The following TRIM2 variants were observed in gnomAD, a reference collection of about 807,000 sequenced individuals.
The protein encoded by TRIM2 is tripartite motif-containing protein 2.
A neutral mutation model predicts 75.2 loss-of-function variants in TRIM2; 20 were observed. That is an observed-to-expected ratio of 0.27 (90% CI 0.19 to 0.39). TRIM2 has a LOEUF of 0.39. Ranked by LOEUF, TRIM2 falls within the 10% of genes least tolerant of loss-of-function variation. TRIM2 has a pLI of 1.00. For missense variants in TRIM2, 660 were observed against 990.8 expected, an observed-to-expected ratio of 0.67 and a Z score of 4.48; for synonymous variants, 373 against 388.3, an observed-to-expected ratio of 0.96 and a Z score of 0.46.
In TRIM2 at chr4:153,328,642, T is replaced by C; in HGVS notation, c.2135T>C (p.Val712Ala). 1 of 1,612,492 alleles carries C rather than the reference T, an allele frequency of 6.2e-7. No homozygotes were observed. The highest frequency in any genetic ancestry group is 8.5e-7 in the Non-Finnish European group (1 of 1,179,348). ...GTGGATTCAAATGGAAACATCATTGTGGCCGACTGGGGAAACAGCAGGATC... is the reference window on the plus strand; with the variant it reads ...GTGGATTCAAATGGAAACATCATTGCGGCCGACTGGGGAAACAGCAGGATC... The part of the protein sequence containing the change: ...VAVDSNGNII[V>A]ADWGNSRIQV... Residue 712 changes from valine (V) to alanine (A), a missense_variant, in exon 11 of 12, where the codon GTG becomes GCG. Val to Ala is a moderately conservative substitution (Grantham distance 64). Around this residue, in one of 2 missense-constraint regions of TRIM2, gnomAD observed 40 missense variants for 99.8 expected, o/e 0.40. Coordinates refer to ENST00000338700, the MANE Select transcript of TRIM2 (RefSeq NM_015271.5).
At chr4:153,272,309 C>T (rs943206758) in intron 2 of TRIM2, among the ~76,000 whole-genome samples, 14 of 151,922 alleles carry the variant, frequency 9.2e-5, no homozygotes, top group Non-Finnish European at 2.1e-4. Flanking sequence ...CCACCACGCC[C>T]AGCTAATTTT....
At chr4:153,300,437 A>G (rs893477270) in intron 6 of TRIM2, among the ~76,000 whole-genome samples, 3 of 152,076 alleles carry the variant, frequency 2.0e-5, no homozygotes, top group African/African-American at 7.2e-5. Context: ...GTGCCGCCAT[A>G]CCTGACTAAT....
chr4:153,306,450 T>G (rs990563321), intron 6 of TRIM2, among the ~76,000 whole-genome samples: 1 of 152,170 alleles, frequency 6.6e-6, no homozygotes, highest in African/African-American at 2.4e-5. Context: ...GTAGGCAGTT[T>G]GCAGTATAGG....
intron 1 of TRIM2, chr4:153,156,622 A>AGC (rs1729256786): frequency 6.6e-6 from 1 of 152,140 alleles, no homozygotes; most frequent in Non-Finnish European, 1.5e-5. Context: ...GATCATATAT[A>AGC]TAAGCTTATA....
chr4:153,199,613 GA>G (rs969290244), upstream of TRIM2, among the ~76,000 whole-genome samples: 3 of 151,932 alleles, frequency 2.0e-5, no homozygotes, highest in Non-Finnish European at 4.4e-5. Context: ...ATTTGCATTG[GA>G]AAACAGCATT....
chr4:153,282,825 G>A (rs4696453), intron 3 of TRIM2, among the ~76,000 whole-genome samples: 32,257 of 151,302 alleles, frequency 0.21, 3,847 homozygotes, highest in African/African-American at 0.33. Context: ...GTCTCACTCT[G>A]TCACCCAGGC....
At chr4:153,294,656 T>C (rs1762436177) in intron 5 of TRIM2, among the ~76,000 whole-genome samples, 171 bp downstream of exon 5, 1 of 152,220 alleles carries the variant, frequency 6.6e-6, no homozygotes, top group South Asian at 2.1e-4. Context: ...TCAGCAAAAT[T>C]CGATGACTCT....
At chr4:153,322,903 C>A in intron 9 of TRIM2, 87 bp downstream of exon 9, 1 of 1,518,176 alleles carries the variant, frequency 6.6e-7, no homozygotes, top group Non-Finnish European at 9.0e-7. Flanking sequence ...GAAGACACCG[C>A]ATCCCTAGTG....
intron 1 of TRIM2, 43 bp downstream of exon 1, chr4:153,204,603 A>T (rs1734874007): frequency 6.4e-7 from 1 of 1,551,380 alleles, no homozygotes; most frequent in African/African-American, 1.4e-5. Flanking sequence ...TTTCTGGGCC[A>T]GCTGGTTAAT....
intron 1 of TRIM2, among the ~76,000 whole-genome samples, chr4:153,171,642 A>C: frequency 8.6e-6 from 1 of 116,006 alleles, no homozygotes; most frequent in Non-Finnish European, 1.8e-5. Context: ...GGTTAATGGA[A>C]AAAAAAGATA....
At chr4:153,330,646 C>G (rs28812831) in intron 11 of TRIM2, among the ~76,000 whole-genome samples, 2,353 of 152,234 alleles carry the variant, frequency 0.015, 62 homozygotes, top group African/African-American at 0.053. Context: ...TCAATTGACA[C>G]TGAAAAATCA....
chr4:153,301,412 C>T (rs915697486), intron 6 of TRIM2, among the ~76,000 whole-genome samples: 2 of 152,206 alleles, frequency 1.3e-5, no homozygotes, highest in Non-Finnish European at 2.9e-5. Context: ...ATATTAACCT[C>T]TTATCAAGAT....
intron 1 of TRIM2, among the ~76,000 whole-genome samples, chr4:153,264,653 G>A (rs933974274): frequency 1.3e-5 from 2 of 152,180 alleles, no homozygotes; most frequent in Admixed American, 6.5e-5. Flanking sequence ...ATTGAAGGCC[G>A]TTGTATATTG....
At chr4:153,225,872 T>C (rs1489151630) in intron 1 of TRIM2, among the ~76,000 whole-genome samples, 3 of 152,208 alleles carry the variant, frequency 2.0e-5, no homozygotes, top group African/African-American at 7.2e-5. Context: ...TTTGGTTGTT[T>C]GTGGTTTTAC....
At chr4:153,171,375 T>G (rs1057124144) in intron 1 of TRIM2, among the ~76,000 whole-genome samples, 1 of 152,030 alleles carries the variant, frequency 6.6e-6, no homozygotes, top group Non-Finnish European at 1.5e-5. Flanking sequence ...CACCTGAGGT[T>G]GGGAGTTCCA....
intron 1 of TRIM2, among the ~76,000 whole-genome samples, chr4:153,161,612 G>GCACCCC (rs1229560250): frequency 1.3e-5 from 2 of 152,204 alleles, no homozygotes; most frequent in Non-Finnish European, 2.9e-5. Flanking sequence ...GGAGTTCCCT[G>GCACCCC]CTTAGTGAGT....
At chr4:153,321,656 C>A (rs1171251807) in intron 8 of TRIM2, among the ~76,000 whole-genome samples, 1 of 152,080 alleles carries the variant, frequency 6.6e-6, no homozygotes, top group African/African-American at 2.4e-5. Flanking sequence ...AAGTGTGTTG[C>A]CCCTGAGTAC....
At chr4:153,316,143 A>G in intron 8 of TRIM2, 144 bp downstream of exon 8, 1 of 783,068 alleles carries the variant, frequency 1.3e-6, no homozygotes, top group Non-Finnish European at 1.9e-6. Context: ...TAAGTTTGTG[A>G]AGTGAGAGTA....
rs1488492161 is a variant in TRIM2, at chr4:153,295,554, G to C, written c.1028G>C (p.Gly343Ala). 3.1e-6 allele frequency: 5 copies of C among 1,613,288 alleles called. No homozygotes were observed. The highest frequency in any genetic ancestry group is 4.2e-6 in the Non-Finnish European group (5 of 1,179,574). Residue 343 changes from glycine (G) to alanine (A), a missense_variant, in exon 6 of 12, where the codon GGG becomes GCG. By Grantham distance (60) the Gly-to-Ala change is moderately conservative. Transcript: ENST00000338700. The surrounding 1 kb of genome is among the most constrained non-coding windows in gnomAD (Gnocchi z 7.2). ...EGLKKSIHNL[G>A]TILTTNAVAS... ...CTGAAGAAGTCCATCCACAACCTCGGGACGATCTTAACCACCAACGCCGTT... is the reference window on the plus strand; with the variant it reads ...CTGAAGAAGTCCATCCACAACCTCGCGACGATCTTAACCACCAACGCCGTT...
Sources: gnomAD v4.1 joint callset for allele counts (sites outside exome capture counted in the v4.1 genomes callset) on GRCh38, gnomAD v4.1.1 for gene constraint, gnomAD v4.1.1 regional missense constraint, Gnocchi (gnomAD v3.1) non-coding constraint, MANE v1.5 for transcripts, NCBI Gene and HGNC (gene_info 2026-07-23, HGNC 2026-07-21) for gene names.